MAP3K14: variants seen among roughly 807,000 people sequenced by gnomAD.
The protein encoded by MAP3K14 is NF-kappa-beta-inducing kinase.
In MAP3K14, 16 loss-of-function variants were observed where a neutral mutation model predicts 99.2. The observed-to-expected ratio is 0.16, with a 90% CI of 0.11 to 0.24. The LOEUF is 0.24. MAP3K14 is among the 10% of genes least tolerant of loss of function. The pLI, the probability that MAP3K14 is intolerant of heterozygous loss-of-function variation, is 1.00. For missense variants in MAP3K14, 784 were observed against 1,208.7 expected, an observed-to-expected ratio of 0.65 and a Z score of 5.21; for synonymous variants, 462 against 492.4, an observed-to-expected ratio of 0.94 and a Z score of 0.82.
intron 1 of MAP3K14, among the ~76,000 whole-genome samples, chr17:45,303,165 G>C (rs2044403488): frequency 6.6e-6 from 1 of 152,240 alleles, no homozygotes; most frequent in Non-Finnish European, 1.5e-5. Flanking sequence ...CAAAGGGGTG[G>C]GAATCGCAGG....
chr17:45,264,291 C>G lies in MAP3K14; in HGVS notation c.*345G>C, dbSNP rs553237797. The G allele has an allele frequency of 5.7e-5, 12 of 212,060 alleles. 1 individual carries two copies. Among genetic ancestry groups the G allele is most frequent in the Admixed American group, 4.4e-4 (8 of 18,014 alleles). 13.1% of individuals were successfully genotyped at this position (212,060 alleles called of 1,614,324 possible). A position where few individuals can be genotyped will look rare whatever the true frequency, so the allele number is the denominator to read the frequency against. On this transcript the variant is annotated 3_prime_UTR_variant, in exon 16 of 16. Transcript: ENST00000344686. ...CTTCTGACCCAGGCTGGAAGCTGCT[C>G]TCCCCTGTCTGCCAGCAAATGGTCA...
intron 8 of MAP3K14, 137 bp downstream of exon 8, chr17:45,273,986 C>T (rs2044159852): frequency 7.8e-6 from 8 of 1,023,840 alleles, no homozygotes; most frequent in Non-Finnish European, 9.9e-6. Context: ...CCCCTTCCTA[C>T]AGGCACAGTC....
At position 45,264,580 on chromosome 17, in the gene MAP3K14, T is replaced by C; in HGVS notation, c.*56A>G. The C allele has an allele frequency of 1.3e-6, 2 of 1,507,562 alleles. No homozygotes were observed. Among genetic ancestry groups the C allele is most frequent in the Non-Finnish European group, 1.8e-6 (2 of 1,126,798 alleles). The allele number at this position is 1,507,562 out of a possible 1,614,324, so 93.4% of individuals were successfully genotyped here. On this transcript the variant is annotated 3_prime_UTR_variant, in exon 16 of 16. Coordinates refer to ENST00000344686, the MANE Select transcript of MAP3K14 (RefSeq NM_003954.5). ...GAGCCTGTGTTTCAGGGCAGCATCG[T>C]GCACCGAGCAGGAAGGCTGCTTCCG...
At chr17:45,304,010 C>CTTTT (rs1026894731) in intron 1 of MAP3K14, among the ~76,000 whole-genome samples, 236 of 127,694 alleles carry the variant, frequency 1.8e-3, no homozygotes, top group South Asian at 2.7e-3. Flanking sequence ...CTTTTCTTTT[C>CTTTT]TTTTTTTTTT....
rs947107095 is a variant in MAP3K14 at position 45,293,187 on chromosome 17, AAG to A, written c.-20-2424_-20-2423del. Among the ~76,000 whole-genome samples, 4 of 152,284 alleles carry A rather than the reference AAG, an allele frequency of 2.6e-5. No individual in the cohort carries two copies. In the East Asian group the frequency reaches 7.7e-4, roughly 29 times the overall value. On this transcript the variant is annotated intron_variant, in intron 1 of 15. Transcript: ENST00000344686. ...AGGATGATCCCGAATGCTGAGGAGG[AAG>A]AGAGAGTCCTGCCTGATGAATGAGA... is the stretch of plus-strand genomic sequence containing the variant.
intron 3 of MAP3K14, among the ~76,000 whole-genome samples, chr17:45,288,628 G>A (rs918770234): frequency 1.4e-4 from 22 of 152,010 alleles, no homozygotes; most frequent in African/African-American, 4.8e-4. Flanking sequence ...CACCTGCCTC[G>A]GCCTCAGAAA....
At position 45,274,604 on chromosome 17, in the gene MAP3K14, C is replaced by A; in HGVS notation, c.1291-11G>T. 1 of 1,612,644 alleles carries A rather than the reference C, an allele frequency of 6.2e-7. No homozygotes were observed. The highest frequency in any genetic ancestry group is 8.5e-7 in the Non-Finnish European group (1 of 1,179,550). On this transcript the variant is annotated splice_polypyrimidine_tract_variant and intron_variant, in intron 6 of 15. Coordinates refer to ENST00000344686, the MANE Select transcript of MAP3K14 (RefSeq NM_003954.5). ...TACTTCCAGCCGCACCTGCAAGGGC[C>A]CAGAGGCAGCTGTTAAGACAGGGTG...
intron 1 of MAP3K14, among the ~76,000 whole-genome samples, chr17:45,312,923 C>G (rs1052020166): frequency 2.6e-5 from 4 of 152,186 alleles, no homozygotes; most frequent in African/African-American, 9.7e-5. Flanking sequence ...ACATGCCATA[C>G]AGTATTTTCC....
intron 1 of MAP3K14, among the ~76,000 whole-genome samples, chr17:45,301,263 A>G (rs557354797): frequency 6.6e-6 from 1 of 152,264 alleles, no homozygotes; most frequent in Admixed American, 6.5e-5. Context: ...CAGGAGTTTG[A>G]GACCAGCCTG....
chr17:45,293,450 C>T (rs2044327000), intron 1 of MAP3K14, among the ~76,000 whole-genome samples: 2 of 152,208 alleles, frequency 1.3e-5, no homozygotes, highest in Non-Finnish European at 2.9e-5. Flanking sequence ...TGTGAGCACA[C>T]CAGGCTCCCC....
At chr17:45,283,343 T>TGGCAAGAACTC (rs749013139) in intron 6 of MAP3K14, among the ~76,000 whole-genome samples, 1 of 152,334 alleles carries the variant, frequency 6.6e-6, no homozygotes, top group South Asian at 2.1e-4. Flanking sequence ...TGATCCACAC[T>TGGCAAGAACTC]GGCAAGAACT....
At chr17:45,284,746 C>T in intron 6 of MAP3K14, 66 bp downstream of exon 6, 1 of 1,508,172 alleles carries the variant, frequency 6.6e-7, no homozygotes, top group Non-Finnish European at 8.9e-7. Context: ...GGACAGAAAG[C>T]AGAGGGAACA....
At position 45,289,299 on chromosome 17, in the gene MAP3K14, T is replaced by C. The variant is rs750630642; in HGVS notation, c.263A>G (p.Asn88Ser). Residue 88 changes from asparagine (N) to serine (S), a missense_variant, in exon 3 of 16, where the codon AAT becomes AGT. By Grantham distance (46) the Asn-to-Ser change is conservative. Coordinates refer to ENST00000344686, the MANE Select transcript of MAP3K14 (RefSeq NM_003954.5). ...ISIIAQAECE[N>S]SQEFSPTFSE... ...AAAGGTGGGGCTGAACTCTTGGCTA[T>C]TCTCACCTAAAGCAAAAGGAGTTGG... 1 of 1,613,810 alleles carries C rather than the reference T, an allele frequency of 6.2e-7. No homozygotes were observed.
chr17:45,286,656 A>G lies in MAP3K14; in HGVS notation c.927T>C (p.Ser309=), dbSNP rs768109449. ...PHLSKLACVD[S]PKPLPGPHLE... is the part of the protein sequence containing the mutation. ...GGTGTGGGCCAGGCAGGGGCTTTGG[A>G]CTGTCTACACAGGCCAGTTTGCTCA... The change falls in exon 5 of 16, where the codon AGT becomes AGC. Residue 309 remains serine (S), a synonymous_variant. Transcript: ENST00000344686. This position sits in a 1 kb window ranked among gnomAD's most constrained non-coding sequence, Gnocchi z 4.1. 1 of 1,610,114 alleles carries G rather than the reference A, an allele frequency of 6.2e-7. No homozygotes were observed. Among genetic ancestry groups the G allele is most frequent in the Non-Finnish European group, 8.5e-7 (1 of 1,178,476 alleles).
At chr17:45,296,776 C>T (rs1231025071) in intron 1 of MAP3K14, among the ~76,000 whole-genome samples, 2 of 152,258 alleles carry the variant, frequency 1.3e-5, no homozygotes, top group East Asian at 3.8e-4. Flanking sequence ...TCTGCCCACC[C>T]TGTTCCTCCC....
intron 14 of MAP3K14, 103 bp from the exon 15 acceptor site, chr17:45,265,366 G>A (rs1746364698): frequency 1.3e-6 from 1 of 757,426 alleles, no homozygotes; most frequent in African/African-American, 1.7e-5. Context: ...AAGTCACTCT[G>A]CCCTATGTAG....
At chr17:45,269,774 G>T (rs1018726638) in intron 11 of MAP3K14, among the ~76,000 whole-genome samples, 3 of 152,164 alleles carry the variant, frequency 2.0e-5, no homozygotes, top group Non-Finnish European at 4.4e-5. Context: ...CACATGCCTT[G>T]CCCTATGCAT....
chr17:45,316,608 T>C, intron 1 of MAP3K14, among the ~76,000 whole-genome samples: 1 of 152,160 alleles, frequency 6.6e-6, no homozygotes, highest in Non-Finnish European at 1.5e-5. Flanking sequence ...AGCTCCATCC[T>C]GGGGGCACTG....
intron 1 of MAP3K14, among the ~76,000 whole-genome samples, chr17:45,314,633 C>T (rs998262823): frequency 6.7e-6 from 1 of 148,830 alleles, no homozygotes; most frequent in Non-Finnish European, 1.5e-5. Context: ...AAAAAAAAAA[C>T]AACCTTGAGA....
Sources: allele counts gnomAD v4.1 joint callset (sites outside exome capture counted in the v4.1 genomes callset), GRCh38; gene constraint gnomAD v4.1.1; non-coding constraint Gnocchi (gnomAD v3.1); transcripts MANE v1.5; gene names NCBI Gene and HGNC (gene_info 2026-07-23, HGNC 2026-07-21).